The following SPATS2L variants were observed in gnomAD, a reference collection of about 807,000 sequenced individuals.
SPATS2L encodes spermatogenesis associated serine rich 2 like.
SPATS2L carries 30 observed loss-of-function variants against 59.6 expected under a neutral mutation model. The ratio of observed to expected loss-of-function variants is 0.50; its 90% CI spans 0.38 to 0.68. SPATS2L has a LOEUF of 0.68. Ranked by LOEUF, SPATS2L falls within the 30% of genes least tolerant of loss-of-function variation. The probability of loss-of-function intolerance (pLI) is 0.00; values close to 1 mark genes in which losing one functional copy is unlikely to be tolerated. For missense variants in SPATS2L, 615 were observed against 700.0 expected (o/e 0.88, Z 1.37); for synonymous variants, 252 against 263.5 (o/e 0.96, Z 0.42).
rs139220442 is a variant in SPATS2L, at chr2:200,438,149, A to G, written c.446-973A>G. On this transcript the variant is annotated intron_variant, in intron 6 of 12. Transcript: ENST00000409140. ...AGAGAGAAGCAGGGCAAGGGTGACT[A>G]TCTGAAAAGGCTGGGTTTTACAAAG... 7.9e-5 allele frequency among the ~76,000 whole-genome samples: 12 copies of G among 152,284 alleles called. No homozygotes were observed. In the East Asian group the frequency reaches 2.1e-3, roughly 27 times the overall value.
At chr2:200,432,525 G>T (rs1432289376) in intron 6 of SPATS2L, among the ~76,000 whole-genome samples, 1 of 152,152 alleles carries the variant, frequency 6.6e-6, no homozygotes, top group Non-Finnish European at 1.5e-5. Context: ...TAGAACAAAA[G>T]TCAAAACCCT....
chr2:200,316,024 CAA>C (rs369862567), intron 1 of SPATS2L, among the ~76,000 whole-genome samples: 11 of 49,802 alleles, frequency 2.2e-4, no homozygotes, highest in Admixed American at 6.2e-4. Flanking sequence ...GACTCCATCT[CAA>C]AAAAAAAAAA....
At chr2:200,476,974 CA>C (rs1338627900) in intron 12 of SPATS2L, among the ~76,000 whole-genome samples, 1 of 152,208 alleles carries the variant, frequency 6.6e-6, no homozygotes, top group East Asian at 1.9e-4. Context: ...GTACTGCCAT[CA>C]AGCAGTCCCG....
intron 2 of SPATS2L, among the ~76,000 whole-genome samples, chr2:200,370,722 T>G (rs1001345172): frequency 6.6e-6 from 1 of 152,220 alleles, no homozygotes; most frequent in Non-Finnish European, 1.5e-5. Flanking sequence ...ATGAGTAAAC[T>G]GCAACACAGA....
At chr2:200,450,469 C>T (rs113253174) in intron 8 of SPATS2L, among the ~76,000 whole-genome samples, 14 of 152,330 alleles carry the variant, frequency 9.2e-5, no homozygotes, top group African/African-American at 3.4e-4. Context: ...CTGAATGTCA[C>T]AGTTGCCACC....
At chr2:200,443,409 T>G (rs1435594306) in intron 8 of SPATS2L, among the ~76,000 whole-genome samples, 1 of 152,168 alleles carries the variant, frequency 6.6e-6, no homozygotes, top group Non-Finnish European at 1.5e-5. Context: ...ATGTACTCAT[T>G]TTAATGCAGT....
chr2:200,423,845 A>T (rs1281295242), intron 6 of SPATS2L, among the ~76,000 whole-genome samples: 1 of 152,210 alleles, frequency 6.6e-6, no homozygotes, highest in South Asian at 2.1e-4. Context: ...TAACACCTTG[A>T]CATTCAGGAT....
chr2:200,308,636 C>CACAAACTAGACACAGACACACAAACTAG (rs2079102091), intron 1 of SPATS2L, among the ~76,000 whole-genome samples: 1 of 152,146 alleles, frequency 6.6e-6, no homozygotes, highest in African/African-American at 2.4e-5. Flanking sequence ...CACACACACA[C>CACAAACTAGACACAGACACACAAACTAG]ACACACAGAC....
At chr2:200,361,074 A>ACC (rs2081086659) in intron 2 of SPATS2L, among the ~76,000 whole-genome samples, 2 of 96,110 alleles carry the variant, frequency 2.1e-5, no homozygotes, top group South Asian at 3.8e-4. Flanking sequence ...ACTATTCCCC[A>ACC]CCCCACCCCC....
intron 3 of SPATS2L, among the ~76,000 whole-genome samples, chr2:200,391,991 A>G (rs1374454217): frequency 1.3e-5 from 2 of 152,222 alleles, no homozygotes; most frequent in Non-Finnish European, 1.5e-5. Flanking sequence ...ATTTTTATCC[A>G]TTGTATTTAA....
At chr2:200,329,523 TGCCATG>T in intron 2 of SPATS2L, 43 bp downstream of exon 2, 1 of 1,519,510 alleles carries the variant, frequency 6.6e-7, no homozygotes, top group Non-Finnish European at 8.9e-7. Flanking sequence ...CTCCTCCTGC[TGCCATG>T]GCCAGCTGTC....
intron 2 of SPATS2L, among the ~76,000 whole-genome samples, chr2:200,332,848 G>A (rs1409290815): frequency 6.6e-6 from 1 of 151,462 alleles, no homozygotes; most frequent in East Asian, 1.9e-4. Context: ...ATCCAGAGAT[G>A]TGTAAAATAT....
intron 10 of SPATS2L, 24 bp downstream of exon 10, chr2:200,467,423 T>C (rs1337741770): frequency 2.6e-6 from 4 of 1,535,022 alleles, no homozygotes; most frequent in Admixed American, 1.7e-5. Context: ...TATCACAGCC[T>C]GAACCCTGAG....
intron 8 of SPATS2L, among the ~76,000 whole-genome samples, chr2:200,449,322 A>G (rs569669130): frequency 7.2e-5 from 11 of 152,242 alleles, no homozygotes; most frequent in Non-Finnish European, 1.3e-4. Flanking sequence ...CCAGGAAACC[A>G]GCATAAATAG....
intron 2 of SPATS2L, among the ~76,000 whole-genome samples, chr2:200,355,016 A>C (rs1302895544): frequency 2.0e-5 from 3 of 152,114 alleles, no homozygotes; most frequent in Non-Finnish European, 4.4e-5. Flanking sequence ...ATGGTTGGAT[A>C]TACGTACAAT....
At chr2:200,375,649 A>G (rs2081573774) in intron 2 of SPATS2L, among the ~76,000 whole-genome samples, 1 of 152,064 alleles carries the variant, frequency 6.6e-6, no homozygotes, top group African/African-American at 2.4e-5. Context: ...TTTTTGAGAT[A>G]GGGTCTTACT....
At chr2:200,439,414 C>G (rs547542125) in intron 7 of SPATS2L, 86 bp downstream of exon 7, 177 of 1,150,214 alleles carry the variant, frequency 1.5e-4, no homozygotes, top group Middle Eastern at 2.0e-4. Context: ...CCAAAAGATG[C>G]TGCTTAGTGA....
chr2:200,319,181 AG>A, intron 1 of SPATS2L, among the ~76,000 whole-genome samples: 1 of 152,328 alleles, frequency 6.6e-6, no homozygotes, highest in Middle Eastern at 3.4e-3. Context: ...TTCTCCTTTC[AG>A]GGTTATGCAG....
At chr2:200,331,659 A>G (rs1056219844) in intron 2 of SPATS2L, among the ~76,000 whole-genome samples, 3 of 152,194 alleles carry the variant, frequency 2.0e-5, no homozygotes, top group Middle Eastern at 3.2e-3. Context: ...CTGTGCCTCA[A>G]TTTCTTCTTG....
Sources: gnomAD v4.1 joint callset for allele counts (sites outside exome capture counted in the v4.1 genomes callset) on GRCh38, gnomAD v4.1.1 for gene constraint, MANE v1.5 for transcripts, NCBI Gene and HGNC (gene_info 2026-07-23, HGNC 2026-07-21) for gene names.